The following GPHN variants were observed in gnomAD, a reference collection of about 807,000 sequenced individuals.
GPHN encodes gephyrin.
Under a neutral mutation model 95.5 loss-of-function variants are expected in GPHN, and 17 were observed. The ratio of observed to expected loss-of-function variants is 0.18; its 90% confidence interval spans 0.12 to 0.27. The LOEUF is 0.27. GPHN is among the 10% of genes least tolerant of loss of function. GPHN has a pLI of 1.00. For missense variants in GPHN, 660 were observed against 978.1 expected (o/e 0.67, Z 4.34); for synonymous variants, 320 against 322.5 (o/e 0.99, Z 0.08).
At chr14:67,239,161 C>CTT in the GPHN span, among the ~76,000 whole-genome samples, 1 of 151,948 alleles carries the variant, frequency 6.6e-6, no homozygotes, top group Non-Finnish European at 1.5e-5. Flanking sequence ...TGGGTGGAGG[C>CTT]TTTTTTTGTG....
At chr14:66,764,974 A>T (rs1045085250) in intron 2 of GPHN, among the ~76,000 whole-genome samples, 24 of 152,208 alleles carry the variant, frequency 1.6e-4, no homozygotes, top group African/African-American at 5.5e-4. Context: ...TAAATGATTT[A>T]AAAATACTAT....
At chr14:66,599,741 G>A (rs1206113737) in intron 1 of GPHN, among the ~76,000 whole-genome samples, 5 of 151,586 alleles carry the variant, frequency 3.3e-5, no homozygotes, top group African/African-American at 1.2e-4. Context: ...GGACATCCTT[G>A]TCTTATTCCT....
chr14:67,076,562 A>G (rs2076501249), intron 11 of GPHN, among the ~76,000 whole-genome samples: 1 of 152,142 alleles, frequency 6.6e-6, no homozygotes, highest in South Asian at 2.1e-4. Context: ...ACTGATGGTC[A>G]TTTTAGCAGA....
intron 10 of GPHN, among the ~76,000 whole-genome samples, chr14:67,024,469 G>T (rs1567224768): frequency 6.6e-6 from 1 of 152,176 alleles, no homozygotes; most frequent in Non-Finnish European, 1.5e-5. Context: ...TAGGCCTACT[G>T]ATACTCATAC....
chr14:67,490,753 G>C, the GPHN span, among the ~76,000 whole-genome samples: 1 of 151,982 alleles, frequency 6.6e-6, no homozygotes, highest in East Asian at 1.9e-4. Flanking sequence ...AAGCATGCAG[G>C]CAAATACTAC....
chr14:67,008,414 C>T (rs1450602255), intron 9 of GPHN, among the ~76,000 whole-genome samples: 1 of 151,026 alleles, frequency 6.6e-6, no homozygotes, highest in Admixed American at 6.6e-5. Flanking sequence ...CGAGATCGCT[C>T]CACTGCACTC....
At chr14:66,941,610 T>C (rs1354309372) in intron 8 of GPHN, among the ~76,000 whole-genome samples, 2 of 152,110 alleles carry the variant, frequency 1.3e-5, no homozygotes, top group Non-Finnish European at 1.5e-5. Context: ...GTTTTCTCAA[T>C]TGGCTTTTAT....
At chr14:67,228,410 C>T in the GPHN span, 1 of 418,396 alleles carries the variant, frequency 2.4e-6, no homozygotes, top group South Asian at 1.0e-4. Context: ...AATGAACTGA[C>T]TTCTCCACCT....
chr14:66,722,684 C>A (rs933484654), intron 2 of GPHN, among the ~76,000 whole-genome samples: 2 of 151,962 alleles, frequency 1.3e-5, no homozygotes, highest in African/African-American at 4.8e-5. Context: ...TTCAAGTGAT[C>A]CCCCCACCTC....
the GPHN span, chr14:67,616,155 C>T: frequency 4.2e-6 from 1 of 236,254 alleles, no homozygotes; most frequent in African/African-American, 2.3e-5. Flanking sequence ...GTACACAACT[C>T]ACTCCTTTTA....
chr14:67,147,731 G>A (rs765912336), intron 18 of GPHN, among the ~76,000 whole-genome samples: 1 of 152,034 alleles, frequency 6.6e-6, no homozygotes, highest in Admixed American at 6.6e-5. Flanking sequence ...TCCTCTGAGG[G>A]TAAAACAGCA....
chr14:66,852,488 A>T (rs949387740), intron 4 of GPHN, among the ~76,000 whole-genome samples: 2 of 152,246 alleles, frequency 1.3e-5, no homozygotes, highest in African/African-American at 4.8e-5. Context: ...TTGCATATGG[A>T]TGAATAAGAA....
At chr14:67,553,776 A>T in the GPHN span, among the ~76,000 whole-genome samples, 1 of 152,080 alleles carries the variant, frequency 6.6e-6, no homozygotes, top group East Asian at 1.9e-4. Context: ...AGGTCAAGGA[A>T]CTCCTCTGGG....
chr14:67,311,785 T>C, the GPHN span, among the ~76,000 whole-genome samples: 1 of 152,196 alleles, frequency 6.6e-6, no homozygotes, highest in African/African-American at 2.4e-5. Context: ...AATTATAACT[T>C]GTACCGTTAA....
At chr14:66,835,347 G>T (rs561315787) in intron 4 of GPHN, among the ~76,000 whole-genome samples, 83 of 151,676 alleles carry the variant, frequency 5.5e-4, no homozygotes, top group African/African-American at 1.5e-3. Flanking sequence ...ATTGTGATGT[G>T]AGGGTGTCAA....
intron 1 of GPHN, among the ~76,000 whole-genome samples, chr14:66,639,770 AGAT>A (rs1375730724): frequency 6.6e-6 from 1 of 152,090 alleles, no homozygotes; most frequent in Non-Finnish European, 1.5e-5. Flanking sequence ...TATAAACTAT[AGAT>A]GATATTTTAT....
intron 4 of GPHN, among the ~76,000 whole-genome samples, chr14:66,847,610 C>T (rs2062389442): frequency 6.6e-6 from 1 of 151,998 alleles, no homozygotes; most frequent in Non-Finnish European, 1.5e-5. Context: ...TAGGCAACTA[C>T]TCCCTAACAA....
the GPHN span, among the ~76,000 whole-genome samples, chr14:67,529,348 AG>A: frequency 6.6e-6 from 1 of 152,174 alleles, no homozygotes; most frequent in Non-Finnish European, 1.5e-5. Context: ...CCAGGATTCA[AG>A]GACAGGCATG....
At chr14:67,378,189 C>G in the GPHN span, among the ~76,000 whole-genome samples, 1 of 151,614 alleles carries the variant, frequency 6.6e-6, no homozygotes, top group Non-Finnish European at 1.5e-5. Context: ...CCTCCCACTC[C>G]TTCCTAAATG....
Sources: gnomAD v4.1 joint callset for allele counts (sites outside exome capture counted in the v4.1 genomes callset) on GRCh38, gnomAD v4.1.1 for gene constraint, MANE v1.5 for transcripts, NCBI Gene and HGNC (gene_info 2026-07-23, HGNC 2026-07-21) for gene names.